The following MBD5 variants were observed in gnomAD, a reference collection of about 807,000 sequenced individuals.
MBD5 encodes the protein methyl-CpG binding domain protein 5.
MBD5 carries 13 observed loss-of-function variants against 117.3 expected under a neutral mutation model. The ratio of observed to expected loss-of-function variants is 0.11; its 90% confidence interval spans 0.07 to 0.18. The LOEUF (loss-of-function observed/expected upper bound fraction) is 0.18. Among genes scored for constraint, MBD5 ranks in the 10% least tolerant of loss-of-function variants. The pLI is 1.00. For synonymous variants in MBD5, 727 were observed against 766.4 expected, an observed-to-expected ratio of 0.95 and a Z score of 0.85; for missense variants, 1,879 against 2,093.8, an observed-to-expected ratio of 0.90 and a Z score of 2.00.
chr2:148,104,325 T>G (rs937801086), intron 1 of MBD5, among the ~76,000 whole-genome samples: 2 of 152,118 alleles, frequency 1.3e-5, no homozygotes, highest in Non-Finnish European at 2.9e-5. Context: ...AAAATGAACA[T>G]GAATAGATTT....
At chr2:148,424,443 T>A (rs1705713962) in intron 4 of MBD5, among the ~76,000 whole-genome samples, 1 of 151,756 alleles carries the variant, frequency 6.6e-6, no homozygotes, top group African/African-American at 2.4e-5. Context: ...TGGGAGACTT[T>A]AACACCCCAC....
intron 8 of MBD5, chr2:148,471,126 T>G (rs1236849826): frequency 6.6e-6 from 1 of 152,162 alleles, no homozygotes; most frequent in Non-Finnish European, 1.5e-5. Flanking sequence ...ATTTCCAGAA[T>G]TTTTAATCTT....
chr2:148,339,742 A>G (rs571319381), intron 3 of MBD5, among the ~76,000 whole-genome samples: 4 of 152,158 alleles, frequency 2.6e-5, no homozygotes, highest in Non-Finnish European at 4.4e-5. Flanking sequence ...CACATACTCT[A>G]TACAAAAAAT....
chr2:148,254,705 G>A (rs1574199692), intron 3 of MBD5, among the ~76,000 whole-genome samples: 1 of 152,154 alleles, frequency 6.6e-6, no homozygotes, highest in African/African-American at 2.4e-5. Flanking sequence ...ACCTTGGTGG[G>A]ACTGCTTGTT....
At chr2:148,476,452 T>C (rs538839154) in intron 8 of MBD5, among the ~76,000 whole-genome samples, 4 of 152,330 alleles carry the variant, frequency 2.6e-5, no homozygotes, top group African/African-American at 9.6e-5. Flanking sequence ...TTATTCTATT[T>C]GGTATTTTTT....
intron 1 of MBD5, among the ~76,000 whole-genome samples, chr2:148,093,978 A>G (rs1474077284): frequency 6.6e-6 from 1 of 152,216 alleles, no homozygotes; most frequent in African/African-American, 2.4e-5. Flanking sequence ...CATTTTCATA[A>G]CAATTCTTGG....
chr2:148,412,736 G>A (rs1705301777), intron 4 of MBD5, among the ~76,000 whole-genome samples: 1 of 152,022 alleles, frequency 6.6e-6, no homozygotes, highest in Non-Finnish European at 1.5e-5. Flanking sequence ...ATGGGATTGT[G>A]TTCCTGATTT....
chr2:148,159,216 C>T (rs1038008839), intron 1 of MBD5, among the ~76,000 whole-genome samples: 2 of 152,182 alleles, frequency 1.3e-5, no homozygotes, highest in African/African-American at 4.8e-5. Flanking sequence ...GCTGTTATTC[C>T]TCTATGCCAC....
At chr2:148,372,702 A>G (rs1703887877) in intron 4 of MBD5, among the ~76,000 whole-genome samples, 1 of 152,126 alleles carries the variant, frequency 6.6e-6, no homozygotes, top group African/African-American at 2.4e-5. Context: ...CAGAATTGAG[A>G]TGAAAGACAA....
At chr2:148,151,087 ATAGC>A (rs1419719953) in intron 1 of MBD5, among the ~76,000 whole-genome samples, 1 of 147,618 alleles carries the variant, frequency 6.8e-6, no homozygotes, top group Admixed American at 6.8e-5. Flanking sequence ...TTTGTCATAG[ATAGC>A]TCTTATTATT....
chr2:148,327,862 A>T (rs1702503868), intron 3 of MBD5, among the ~76,000 whole-genome samples: 1 of 152,150 alleles, frequency 6.6e-6, no homozygotes, highest in Non-Finnish European at 1.5e-5. Context: ...ATCTCCGTCC[A>T]GCTTTGTTCT....
At chr2:148,128,127 T>C (rs1229753834) in intron 1 of MBD5, among the ~76,000 whole-genome samples, 1 of 152,198 alleles carries the variant, frequency 6.6e-6, no homozygotes, top group African/African-American at 2.4e-5. Flanking sequence ...ACTCTGGATA[T>C]TAAACCTTGT....
intron 3 of MBD5, among the ~76,000 whole-genome samples, chr2:148,234,984 A>G (rs548528867): frequency 1.3e-5 from 2 of 152,270 alleles, no homozygotes; most frequent in African/African-American, 4.8e-5. Context: ...CTCCCTTGGT[A>G]TCTGCAAGGG....
intron 4 of MBD5, among the ~76,000 whole-genome samples, chr2:148,375,661 A>G (rs768253767): frequency 2.0e-5 from 3 of 152,186 alleles, no homozygotes; most frequent in Non-Finnish European, 4.4e-5. Context: ...ATAGAAAATT[A>G]TCAAAATATA....
intron 3 of MBD5, among the ~76,000 whole-genome samples, chr2:148,327,460 C>T (rs1332458870): frequency 6.6e-6 from 1 of 152,128 alleles, no homozygotes; most frequent in African/African-American, 2.4e-5. Context: ...TCCATTCTCC[C>T]CATCACTTTC....
At position 148,514,039 on chromosome 2, in the gene MBD5, A is replaced by T. The variant is rs980506423; in HGVS notation, c.*1098A>T. ...AAAGCAAGTTTCATATCCATTCATC[A>T]GTATTACTTAACCCAGAAGTTAAGG... On this transcript the variant is annotated 3_prime_UTR_variant, in exon 14 of 14. Coordinates refer to ENST00000642680, the MANE Select transcript of MBD5 (RefSeq NM_001378120.1). 2 of 152,230 alleles carry T rather than the reference A, an allele frequency of 1.3e-5. No individual in the cohort carries two copies. Among genetic ancestry groups the T allele is most frequent in the Non-Finnish European group, 2.9e-5 (2 of 68,046 alleles). The allele number at this position is 152,230 out of a possible 1,614,324, so 9.4% of individuals were successfully genotyped here.
intron 1 of MBD5, among the ~76,000 whole-genome samples, chr2:148,167,319 G>C (rs1330686564): frequency 6.6e-6 from 1 of 152,048 alleles, no homozygotes; most frequent in Non-Finnish European, 1.5e-5. Context: ...ACCATATCTT[G>C]TTGTTTAAAC....
At chr2:148,052,889 G>A (rs1694756075) in intron 1 of MBD5, among the ~76,000 whole-genome samples, 1 of 150,046 alleles carries the variant, frequency 6.7e-6, no homozygotes, top group South Asian at 2.1e-4. Context: ...TTGAGTCCAG[G>A]AGGCAGAAGT....
intron 3 of MBD5, among the ~76,000 whole-genome samples, chr2:148,328,713 G>T (rs978046650): frequency 1.3e-5 from 2 of 152,178 alleles, no homozygotes; most frequent in African/African-American, 2.4e-5. Flanking sequence ...CACATGGTGC[G>T]TGCACCCACT....
Sources: gnomAD v4.1 joint callset for allele counts (sites outside exome capture counted in the v4.1 genomes callset) on GRCh38, gnomAD v4.1.1 for gene constraint, MANE v1.5 for transcripts, NCBI Gene and HGNC (gene_info 2026-07-23, HGNC 2026-07-21) for gene names.